The following KAZN variants were observed in gnomAD, a reference collection of about 807,000 sequenced individuals.
KAZN encodes the protein kazrin.
Under a neutral mutation model 87.4 loss-of-function variants are expected in KAZN, and 40 were observed. That is an observed-to-expected ratio of 0.46 (90% CI 0.36 to 0.60). The LOEUF (loss-of-function observed/expected upper bound fraction) is 0.60, where lower values mean the gene tolerates loss of function less well. Ranked by LOEUF, KAZN falls within the 20% of genes least tolerant of loss-of-function variation. KAZN has a pLI of 0.00. For missense variants in KAZN, 898 were observed against 1,073.9 expected (o/e 0.84, Z 2.29); for synonymous variants, 466 against 458.3 (o/e 1.02, Z -0.22).
intron 14 of KAZN, 51 bp downstream of exon 14, chr1:15,112,592 CT>C: frequency 8.1e-7 from 1 of 1,234,726 alleles, no homozygotes; most frequent in Non-Finnish European, 1.2e-6. Flanking sequence ...CGGGAAAGGT[CT>C]TTTTTTCTCC....
In KAZN at chr1:15,065,734, C is replaced by G. The variant is rs757094991; in HGVS notation, c.1203C>G (p.Leu401=). 1.2e-6 allele frequency: 2 copies of G among 1,614,264 alleles called. No homozygotes were observed. Among genetic ancestry groups the G allele is most frequent in the South Asian group, 2.2e-5 (2 of 91,090 alleles). Residue 401 remains leucine, a synonymous_variant, in exon 8 of 15, where the codon CTC becomes CTG. Coordinates refer to ENST00000376030, the MANE Select transcript of KAZN (RefSeq NM_201628.3). ...CCAGAGGGAAGCAGCGGAAGTCCCT[C>G]GACCCCGGCCTCTTTGATGGTACCG... The part of the protein sequence containing the change: ...VFARGKQRKS[L]DPGLFDDSDS...
At chr1:14,138,176 CTA>C (rs1645152753) in intron 1 of KAZN, among the ~76,000 whole-genome samples, 1 of 151,662 alleles carries the variant, frequency 6.6e-6, no homozygotes, top group Non-Finnish European at 1.5e-5. Context: ...ATCCAACAAA[CTA>C]TATAGAAATG....
chr1:14,079,268 A>G (rs189550765), intron 1 of KAZN, among the ~76,000 whole-genome samples: 240 of 152,372 alleles, frequency 1.6e-3, no homozygotes, highest in African/African-American at 5.6e-3. Flanking sequence ...CGTTTAGAAA[A>G]CAAAGTGCAG....
intron 1 of KAZN, among the ~76,000 whole-genome samples, chr1:14,165,738 G>A (rs1483077899): frequency 6.6e-6 from 1 of 152,184 alleles, no homozygotes; most frequent in Non-Finnish European, 1.5e-5. Flanking sequence ...AGCAAGAACT[G>A]TTCCTTTGGC....
chr1:14,146,117 A>G (rs1305546042), intron 1 of KAZN, among the ~76,000 whole-genome samples: 2 of 151,494 alleles, frequency 1.3e-5, no homozygotes, highest in East Asian at 3.9e-4. Flanking sequence ...GGTCACCTGA[A>G]CAGTCATGAC....
intron 1 of KAZN, among the ~76,000 whole-genome samples, chr1:14,800,901 T>G (rs1259848072): frequency 1.3e-5 from 2 of 152,058 alleles, no homozygotes; most frequent in African/African-American, 4.8e-5. Flanking sequence ...GGGGAGTGAC[T>G]GCTCGTGGGT....
intron 1 of KAZN, among the ~76,000 whole-genome samples, chr1:14,001,988 A>T (rs1164617102): frequency 1.3e-5 from 2 of 152,250 alleles, no homozygotes; most frequent in African/African-American, 4.8e-5. Context: ...AACAAAAGCC[A>T]AAATTGGCAA....
upstream of KAZN, among the ~76,000 whole-genome samples, chr1:14,597,482 T>G (rs182433288): frequency 6.6e-6 from 1 of 152,142 alleles, no homozygotes; most frequent in African/African-American, 2.4e-5. Flanking sequence ...CTTAAGTAAA[T>G]TGCTTAACCC....
At chr1:14,934,760 C>G (rs1233590949) in intron 1 of KAZN, among the ~76,000 whole-genome samples, 2 of 152,240 alleles carry the variant, frequency 1.3e-5, no homozygotes, top group African/African-American at 4.8e-5. Context: ...GGGGCTGATG[C>G]TGGCCAGTAT....
chr1:13,919,228 C>T (rs769024362), intron 1 of KAZN, among the ~76,000 whole-genome samples: 12 of 152,200 alleles, frequency 7.9e-5, no homozygotes, highest in South Asian at 2.1e-4. Context: ...CACCTTCTCC[C>T]AAGCACGACC....
At chr1:13,936,178 C>A (rs933106696) in intron 1 of KAZN, among the ~76,000 whole-genome samples, 1 of 136,708 alleles carries the variant, frequency 7.3e-6, no homozygotes, top group African/African-American at 2.7e-5. Context: ...CACACCACAA[C>A]CTCTGCCTCC....
chr1:13,916,156 G>A (rs1639843463), intron 1 of KAZN, among the ~76,000 whole-genome samples: 1 of 152,204 alleles, frequency 6.6e-6, no homozygotes, highest in African/African-American at 2.4e-5. Context: ...CCTCTTGGGT[G>A]AGGTGCAGTC....
At chr1:14,209,250 A>T (rs1336478547) in intron 2 of KAZN, among the ~76,000 whole-genome samples, 3 of 152,224 alleles carry the variant, frequency 2.0e-5, no homozygotes, top group African/African-American at 4.8e-5. Context: ...CATCAGCTCC[A>T]TTCCATTGAG....
chr1:14,600,052 G>C (rs889426813), intron 1 of KAZN, among the ~76,000 whole-genome samples: 2 of 152,164 alleles, frequency 1.3e-5, no homozygotes, highest in Non-Finnish European at 2.9e-5. Context: ...AAAATGTACT[G>C]TTTGGTTTCT....
At chr1:14,823,503 C>T (rs1018611412) in intron 1 of KAZN, among the ~76,000 whole-genome samples, 2 of 152,058 alleles carry the variant, frequency 1.3e-5, no homozygotes, top group Non-Finnish European at 2.9e-5. Context: ...TTTGGGGGGT[C>T]GCTTTGGTTG....
At chr1:14,077,419 A>G (rs1643505034) in intron 1 of KAZN, among the ~76,000 whole-genome samples, 1 of 152,146 alleles carries the variant, frequency 6.6e-6, no homozygotes, top group South Asian at 2.1e-4. Context: ...GCTGCTGCAA[A>G]AGACTTACAT....
chr1:14,787,333 G>C (rs1645539052), intron 1 of KAZN, among the ~76,000 whole-genome samples: 1 of 152,158 alleles, frequency 6.6e-6, no homozygotes, highest in Admixed American at 6.5e-5. Flanking sequence ...AGAAAACCAA[G>C]GCATAGTGAG....
At chr1:14,300,738 G>A (rs1369339263) in intron 2 of KAZN, among the ~76,000 whole-genome samples, 2 of 152,206 alleles carry the variant, frequency 1.3e-5, no homozygotes, top group South Asian at 2.1e-4. Context: ...TATGCAGGTG[G>A]CTCAGTCACC....
intron 1 of KAZN, among the ~76,000 whole-genome samples, chr1:14,009,856 C>A (rs886647247): frequency 6.6e-6 from 1 of 152,152 alleles, no homozygotes; most frequent in Non-Finnish European, 1.5e-5. Flanking sequence ...GAAGGAGAAC[C>A]CACTCTGTAC....
Sources: allele counts gnomAD v4.1 joint callset (sites outside exome capture counted in the v4.1 genomes callset), GRCh38; gene constraint gnomAD v4.1.1; transcripts MANE v1.5; gene names NCBI Gene and HGNC (gene_info 2026-07-23, HGNC 2026-07-21).